MMD2: variants seen among roughly 807,000 people sequenced by gnomAD.
MMD2 encodes monocyte to macrophage differentiation factor 2.
MMD2 carries 30 observed loss-of-function variants against 33.5 expected under a neutral mutation model. The observed-to-expected ratio is 0.90, with a 90% confidence interval of 0.67 to 1.22. The LOEUF is 1.22. MMD2 is among the 50% of genes most tolerant of loss of function. The pLI is 0.00. For synonymous variants in MMD2, 129 were observed against 123.0 expected, an observed-to-expected ratio of 1.05 and a Z score of -0.32; for missense variants, 364 against 325.4, an observed-to-expected ratio of 1.12 and a Z score of -0.91.
chr7:4,939,905 A>AT (rs1018019393), intron 1 of MMD2, among the ~76,000 whole-genome samples: 9 of 151,732 alleles, frequency 5.9e-5, no homozygotes, highest in East Asian at 1.9e-4. Flanking sequence ...ACACTGGCTA[A>AT]TTTTTTTTGT....
chr7:4,931,037 G>A (rs914424493), intron 1 of MMD2, among the ~76,000 whole-genome samples: 19 of 152,100 alleles, frequency 1.2e-4, no homozygotes, highest in African/African-American at 3.4e-4. Context: ...TTTTAGTAGA[G>A]ATGGGGTTTC....
At chr7:4,937,566 T>C (rs1785777148) in intron 1 of MMD2, among the ~76,000 whole-genome samples, 1 of 152,218 alleles carries the variant, frequency 6.6e-6, no homozygotes. Flanking sequence ...TGAAACGCAC[T>C]GGCACAATCA....
rs1785242021 is a variant in MMD2, at chr7:4,920,223, A to AGAGGCCGCAGAGGCC, written c.223_237dup (p.Gly75_Leu79dup). The AGAGGCCGCAGAGGCC allele has an allele frequency of 1.3e-6, 2 of 1,582,852 alleles. No individual in the cohort carries two copies. Among genetic ancestry groups the AGAGGCCGCAGAGGCC allele is most frequent in the African/African-American group, 2.7e-5 (2 of 74,294 alleles). ...GTGTGAAACACAGTGGACACCACGA[A>AGAGGCCGCAGAGGCC]GAGGCCGCAGAGGCCGAGGCCGTAG... On this transcript the variant is annotated inframe_insertion, in exon 3 of 7. Coordinates refer to ENST00000401401, the MANE Select transcript of MMD2 (RefSeq NM_198403.4).
At chr7:4,912,188 T>C (rs1381515828) in intron 4 of MMD2, among the ~76,000 whole-genome samples, 1 of 152,118 alleles carries the variant, frequency 6.6e-6, no homozygotes, top group Non-Finnish European at 1.5e-5. Context: ...ATCTCTAAGC[T>C]ATATTGTGAG....
chr7:4,908,058 C>G (rs745343604), intron 6 of MMD2, among the ~76,000 whole-genome samples: 7 of 152,150 alleles, frequency 4.6e-5, no homozygotes, highest in Non-Finnish European at 7.3e-5. Flanking sequence ...GCTTCTCCCA[C>G]CTCGGCTTCC....
chr7:4,936,745 A>G (rs1314539664), intron 1 of MMD2, among the ~76,000 whole-genome samples: 1 of 151,612 alleles, frequency 6.6e-6, no homozygotes, highest in Non-Finnish European at 1.5e-5. Flanking sequence ...ATTTTATTTT[A>G]TTTTTTTGAG....
At chr7:4,893,452 C>A in the MMD2 span, among the ~76,000 whole-genome samples, 2 of 151,222 alleles carry the variant, frequency 1.3e-5, no homozygotes, top group East Asian at 3.9e-4. Context: ...AGTGCAGTGG[C>A]GCAATCTTGT....
At chr7:4,927,958 G>A (rs1033273559) in intron 1 of MMD2, among the ~76,000 whole-genome samples, 2 of 152,116 alleles carry the variant, frequency 1.3e-5, no homozygotes, top group African/African-American at 2.4e-5. Context: ...GTCTGTGCTC[G>A]GGGACTTAGT....
Position 4,907,341 on chromosome 7 carries a change from C to T in MMD2, c.*55G>A, listed in dbSNP as rs1015771855. The T allele has an allele frequency of 4.3e-5, 68 of 1,566,464 alleles. No individual in the cohort carries two copies. The Middle Eastern group carries it at 8.5e-4, about 20-fold the overall frequency. On this transcript the variant is annotated 3_prime_UTR_variant, in exon 7 of 7. Coordinates refer to ENST00000401401, the MANE Select transcript of MMD2 (RefSeq NM_198403.4). ...TGGCGCTGTGCTCTGGGTTAACGTT[C>T]ACAGAAACGTGCTCCACTCCTAAAG... is the stretch of plus-strand genomic sequence containing the variant.
chr7:4,944,229 C>T (rs554971574), intron 1 of MMD2, among the ~76,000 whole-genome samples: 28 of 151,756 alleles, frequency 1.8e-4, no homozygotes, highest in South Asian at 1.0e-3. Context: ...GAGCTATGAT[C>T]GAACCACCGC....
intron 1 of MMD2, among the ~76,000 whole-genome samples, chr7:4,947,793 G>A (rs568262951): frequency 5.4e-5 from 8 of 147,794 alleles, no homozygotes; most frequent in East Asian, 4.0e-4. Context: ...TCCACCTCCC[G>A]GGTTCAAGCG....
At chr7:4,938,509 C>T (rs7787234) in intron 1 of MMD2, among the ~76,000 whole-genome samples, 11 of 151,872 alleles carry the variant, frequency 7.2e-5, no homozygotes, top group African/African-American at 2.7e-4. Flanking sequence ...CTCAAGACCG[C>T]AGCTAATCCT....
At chr7:4,899,116 T>C in the MMD2 span, among the ~76,000 whole-genome samples, 3 of 152,112 alleles carry the variant, frequency 2.0e-5, no homozygotes, top group African/African-American at 4.8e-5. Flanking sequence ...GTGTCAGTCA[T>C]GGGAGGACAC....
In MMD2 at chr7:4,933,940, CTTT is replaced by C. The variant is rs71032998; in HGVS notation, c.48-8411_48-8409del. On this transcript the variant is annotated intron_variant, in intron 1 of 6. Transcript: ENST00000401401. Reference sequence around the variant, plus strand: ...GAGACACTGTGCCCGGCCACAATGCCTTTTTTTTTTTTTTTTTTTGAGACAGTC... The same window carrying C: ...GAGACACTGTGCCCGGCCACAATGCCTTTTTTTTTTTTTTTTGAGACAGTC... Among the ~76,000 whole-genome samples, 929 of 119,054 alleles carry C rather than the reference CTTT, an allele frequency of 7.8e-3. 5 individuals carry two copies. The highest frequency in any genetic ancestry group is 0.011 in the Non-Finnish European group (631 of 57,950). 78.1% of individuals were successfully genotyped at this position (119,054 alleles called of 152,430 possible). A position where few individuals can be genotyped will look rare whatever the true frequency, so the allele number is the denominator to read the frequency against.
chr7:4,944,411 C>T (rs1207086286), intron 1 of MMD2, among the ~76,000 whole-genome samples: 2 of 152,146 alleles, frequency 1.3e-5, no homozygotes, highest in Non-Finnish European at 2.9e-5. Context: ...GGGGTGAGCC[C>T]ACCCTCCTGC....
At chr7:4,922,012 G>A (rs563791562) in intron 2 of MMD2, among the ~76,000 whole-genome samples, 10 of 151,746 alleles carry the variant, frequency 6.6e-5, no homozygotes, top group Non-Finnish European at 1.2e-4. Context: ...GATCACCTGA[G>A]GTCAGGAGTT....
In MMD2 at chr7:4,908,267, G is replaced by A. The variant is rs149681120; in HGVS notation, c.538-668C>T. On this transcript the variant is annotated intron_variant, in intron 6 of 6. Transcript: ENST00000401401. ...ACCAATTCTCCTGCCTCAGCCTCCCGAGTAGCTGGGACTACAGGCATGCAC... is the reference window on the plus strand; with the variant it reads ...ACCAATTCTCCTGCCTCAGCCTCCCAAGTAGCTGGGACTACAGGCATGCAC... Among the ~76,000 whole-genome samples, 157 of 148,850 alleles carry A rather than the reference G, an allele frequency of 1.1e-3. 2 individuals are homozygous for A. In the East Asian group the frequency reaches 0.028, roughly 27 times the overall value.
At chr7:4,919,491 C>T (rs1000857087) in intron 3 of MMD2, among the ~76,000 whole-genome samples, 6 of 151,926 alleles carry the variant, frequency 3.9e-5, no homozygotes, top group Non-Finnish European at 8.8e-5. Flanking sequence ...GTGCTTGAGC[C>T]CTGGAGGTGG....
Position 4,952,114 on chromosome 7 carries a change from G to A in MMD2, c.47+6857C>T, listed in dbSNP as rs550383516. On this transcript the variant is annotated intron_variant, in intron 1 of 6. Transcript: ENST00000401401. ...GACAAGCCAGGGACGCCCACCACAC[G>A]CCAGACCATGCTGGCCCCTTGGGGA... is the stretch of plus-strand genomic sequence containing the variant. Among the ~76,000 whole-genome samples, 4 of 152,288 alleles carry A rather than the reference G, an allele frequency of 2.6e-5. No homozygotes were observed. The East Asian group carries it at 5.8e-4, about 22-fold the overall frequency.
Sources: allele counts gnomAD v4.1 joint callset (sites outside exome capture counted in the v4.1 genomes callset), GRCh38; gene constraint gnomAD v4.1.1; transcripts MANE v1.5; gene names NCBI Gene and HGNC (gene_info 2026-07-23, HGNC 2026-07-21).